SEMA3D: variants seen among roughly 807,000 people sequenced by gnomAD.
SEMA3D encodes the protein semaphorin 3D, also known as semaphorin-3D.
Under a neutral mutation model 100.1 loss-of-function variants are expected in SEMA3D, and 84 were observed. That is an observed-to-expected ratio of 0.84 (90% CI 0.70 to 1.01). The LOEUF (loss-of-function observed/expected upper bound fraction) is 1.01. SEMA3D is among the 50% of genes least tolerant of loss of function. The pLI is 0.00. For missense variants in SEMA3D, 875 were observed against 934.1 expected, an observed-to-expected ratio of 0.94 and a Z score of 0.82; for synonymous variants, 312 against 320.7, an observed-to-expected ratio of 0.97 and a Z score of 0.29.
intron 1 of SEMA3D, among the ~76,000 whole-genome samples, chr7:85,179,897 G>A (rs1398311620): frequency 2.0e-5 from 3 of 152,056 alleles, no homozygotes; most frequent in Admixed American, 6.6e-5. Flanking sequence ...TCCTGACCTC[G>A]TGATCCACCT....
chr7:85,054,693 T>C (rs927865528), intron 9 of SEMA3D, among the ~76,000 whole-genome samples: 3 of 152,006 alleles, frequency 2.0e-5, no homozygotes, highest in Non-Finnish European at 2.9e-5. Context: ...AGGGTACAGA[T>C]TGAAAGAAAA....
intron 1 of SEMA3D, among the ~76,000 whole-genome samples, chr7:85,185,380 G>A (rs891699161): frequency 6.6e-6 from 1 of 151,938 alleles, no homozygotes; most frequent in Non-Finnish European, 1.5e-5. Context: ...ACACATGCAG[G>A]AGAACCCTTT....
chr7:85,119,958 A>AT (rs1337752354), intron 3 of SEMA3D, among the ~76,000 whole-genome samples: 3 of 141,398 alleles, frequency 2.1e-5, no homozygotes, highest in Non-Finnish European at 3.1e-5. Flanking sequence ...CCATTAAGTG[A>AT]ATTTTTTTTT....
intron 1 of SEMA3D, among the ~76,000 whole-genome samples, chr7:85,175,349 T>C (rs544016962): frequency 6.6e-6 from 1 of 152,310 alleles, no homozygotes; most frequent in Admixed American, 6.5e-5. Flanking sequence ...TGTAATATCT[T>C]AGCCCAGGCT....
intron 18 of SEMA3D, among the ~76,000 whole-genome samples, chr7:85,001,172 G>A (rs569008336): frequency 4.6e-5 from 7 of 152,244 alleles, no homozygotes; most frequent in East Asian, 3.9e-4. Context: ...TGCAGCTGGC[G>A]GGGAACCATT....
At chr7:85,105,185 C>T (rs1023795798) in intron 3 of SEMA3D, among the ~76,000 whole-genome samples, 2 of 152,016 alleles carry the variant, frequency 1.3e-5, no homozygotes, top group Non-Finnish European at 1.5e-5. Flanking sequence ...TTTCTGCCTT[C>T]CCCCTAAATT....
At chr7:85,130,403 G>A (rs1303515699) in intron 2 of SEMA3D, among the ~76,000 whole-genome samples, 12 of 152,094 alleles carry the variant, frequency 7.9e-5, no homozygotes. Flanking sequence ...ATTCCATCTT[G>A]TTTTAACATG....
At chr7:85,014,881 T>G (rs1267684590) in intron 16 of SEMA3D, among the ~76,000 whole-genome samples, 178 bp downstream of exon 16, 1 of 151,860 alleles carries the variant, frequency 6.6e-6, no homozygotes, top group Non-Finnish European at 1.5e-5. Context: ...TGTTTTACCC[T>G]CCTTCAAAAT....
At chr7:85,167,359 G>A (rs986407363) in intron 1 of SEMA3D, 28 of 983,262 alleles carry the variant, frequency 2.8e-5, no homozygotes, top group Admixed American at 1.2e-4. Context: ...GCATTTCAAC[G>A]GGAATGAAGG....
At chr7:85,179,298 C>T (rs909494140) in intron 1 of SEMA3D, among the ~76,000 whole-genome samples, 26 of 152,208 alleles carry the variant, frequency 1.7e-4, no homozygotes, top group African/African-American at 5.5e-4. Flanking sequence ...CTGGAAAAGC[C>T]GCAGACACTC....
At chr7:85,194,391 T>C in the SEMA3D span, among the ~76,000 whole-genome samples, 1 of 152,194 alleles carries the variant, frequency 6.6e-6, no homozygotes, top group Non-Finnish European at 1.5e-5. Flanking sequence ...TTCTCGTTTG[T>C]TGACAGTTTT....
chr7:85,038,505 T>C (rs1306794702), intron 11 of SEMA3D, among the ~76,000 whole-genome samples: 3 of 152,166 alleles, frequency 2.0e-5, no homozygotes, highest in Non-Finnish European at 4.4e-5. Context: ...CCTTGGTCTT[T>C]AGGATGGCAT....
chr7:85,037,144 A>G, intron 11 of SEMA3D, 111 bp from the exon 12 acceptor site: 1 of 969,598 alleles, frequency 1.0e-6, no homozygotes, highest in Non-Finnish European at 1.5e-6. Context: ...AGCACATTAA[A>G]TTTGATGGGT....
chr7:85,051,308 T>C (rs1039654913), intron 9 of SEMA3D, among the ~76,000 whole-genome samples: 25 of 151,934 alleles, frequency 1.6e-4, no homozygotes, highest in African/African-American at 5.6e-4. Flanking sequence ...TCATTGATGA[T>C]ATCATTACTG....
chr7:85,021,440 C>G (rs1037837096), intron 13 of SEMA3D, among the ~76,000 whole-genome samples: 3 of 151,710 alleles, frequency 2.0e-5, no homozygotes, highest in Admixed American at 2.0e-4. Flanking sequence ...TTGGGAATAT[C>G]CCTTATTTTT....
At chr7:85,219,750 T>G in the SEMA3D span, among the ~76,000 whole-genome samples, 2 of 152,154 alleles carry the variant, frequency 1.3e-5, no homozygotes, top group African/African-American at 4.8e-5. Context: ...TGAAAGATTT[T>G]CCATAATTCT....
intron 4 of SEMA3D, among the ~76,000 whole-genome samples, chr7:85,086,973 A>T (rs1464774722): frequency 1.3e-5 from 2 of 152,172 alleles, no homozygotes; most frequent in Non-Finnish European, 2.9e-5. Flanking sequence ...ATCAATAGTT[A>T]ATATGAACAA....
rs891137962 is a variant in SEMA3D at position 85,102,996 on chromosome 7, C to G, written c.152-5031G>C. Reference sequence around the variant, plus strand: ...CAATGCTAGCAGCAAAACGATTAAACATCCTTCAACAATTCATTGTAGCCA... The same window carrying G: ...CAATGCTAGCAGCAAAACGATTAAAGATCCTTCAACAATTCATTGTAGCCA... On this transcript the variant is annotated intron_variant, in intron 3 of 18. Transcript: ENST00000284136. Among the ~76,000 whole-genome samples, 15 of 152,160 alleles carry G rather than the reference C, an allele frequency of 9.9e-5. No individual in the cohort carries two copies. In the East Asian group the frequency reaches 2.9e-3, roughly 30 times the overall value.
At chr7:85,008,372 A>T (rs1789858876) in intron 17 of SEMA3D, among the ~76,000 whole-genome samples, 1 of 151,844 alleles carries the variant, frequency 6.6e-6, no homozygotes, top group South Asian at 2.1e-4. Flanking sequence ...TTTCAAATTA[A>T]TAGAAATAAT....
Sources: allele counts gnomAD v4.1 joint callset (sites outside exome capture counted in the v4.1 genomes callset), GRCh38; gene constraint gnomAD v4.1.1; transcripts MANE v1.5; gene names NCBI Gene and HGNC (gene_info 2026-07-23, HGNC 2026-07-21).